The following RPL22L1 variants were observed in gnomAD, a reference collection of about 807,000 sequenced individuals.
RPL22L1 encodes the protein ribosomal protein L22 like 1, also known as ribosomal protein eL22-like.
In RPL22L1, 19 loss-of-function variants were observed where a neutral mutation model predicts 17.3. That is an observed-to-expected ratio of 1.10 (90% confidence interval 0.77 to 1.61). The LOEUF is 1.61. Ranked by LOEUF, RPL22L1 falls within the 40% of genes most tolerant of loss-of-function variation. The pLI, the probability that RPL22L1 is intolerant of heterozygous loss-of-function variation, is 0.00. For synonymous variants in RPL22L1, 48 were observed against 48.5 expected (o/e 0.99, Z 0.05); for missense variants, 139 against 144.4 (o/e 0.96, Z 0.19).
At position 170,866,105 on chromosome 3, in the gene RPL22L1, A is replaced by G; in HGVS notation, c.*275T>C. On this transcript the variant is annotated 3_prime_UTR_variant, in exon 4 of 4. Coordinates refer to ENST00000295830, the MANE Select transcript of RPL22L1 (RefSeq NM_001099645.2). The stretch of plus-strand genomic sequence containing the variant: ...GACAGAACGAGAGTGTCTAAAAAAA[A>G]GATTTCCTATATAACGCTACTTTTA... 1 of 219,006 alleles carries G rather than the reference A, an allele frequency of 4.6e-6. No individual in the cohort carries two copies. Among genetic ancestry groups the G allele is most frequent in the Non-Finnish European group, 9.0e-6 (1 of 111,566 alleles). 13.6% of individuals were successfully genotyped at this position (219,006 alleles called of 1,614,324 possible). A position where few individuals can be genotyped will look rare whatever the true frequency, so the allele number is the denominator to read the frequency against.
intron 1 of RPL22L1, chr3:170,869,938 C>T: frequency 1.4e-6 from 1 of 726,580 alleles, no homozygotes; most frequent in Non-Finnish European, 2.4e-6. Flanking sequence ...TAAACCAATT[C>T]CGGGCCCAGC....
intron 3 of RPL22L1, among the ~76,000 whole-genome samples, chr3:170,867,416 C>T (rs920131438): frequency 2.0e-5 from 3 of 152,126 alleles, no homozygotes; most frequent in Admixed American, 6.6e-5. Flanking sequence ...AACTTACCAA[C>T]GTACCCAAAA....
At position 170,870,186 on chromosome 3, in the gene RPL22L1, G is replaced by C. The variant is rs1386613370; in HGVS notation, c.-19C>G. The C allele has an allele frequency of 6.2e-7, 1 of 1,613,762 alleles. No individual in the cohort carries two copies. Among genetic ancestry groups the C allele is most frequent in the African/African-American group, 1.3e-5 (1 of 74,886 alleles). On this transcript the variant is annotated 5_prime_UTR_variant, in exon 1 of 4. Coordinates refer to ENST00000295830, the MANE Select transcript of RPL22L1 (RefSeq NM_001099645.2). ...GCGCCATCTTGCGAGTCGGCCGCGA[G>C]AGCAGAGAGGAAGCTACGGCCGCGC... is the stretch of plus-strand genomic sequence containing the variant.
intron 3 of RPL22L1, 119 bp from the exon 4 acceptor site, chr3:170,866,643 T>C (rs1711781207): frequency 2.9e-6 from 2 of 682,322 alleles, no homozygotes. Flanking sequence ...TCCTCCAAAA[T>C]ATTTCATCCT....
chr3:170,866,739 G>A (rs1294829918), intron 3 of RPL22L1, among the ~76,000 whole-genome samples: 1 of 151,890 alleles, frequency 6.6e-6, no homozygotes, highest in Non-Finnish European at 1.5e-5. Flanking sequence ...AAGATTGTTA[G>A]GGTAGCATTC....
At chr3:170,869,248 C>T (rs1229630776) in intron 1 of RPL22L1, among the ~76,000 whole-genome samples, 4 of 152,120 alleles carry the variant, frequency 2.6e-5, no homozygotes, top group Admixed American at 2.6e-4. Flanking sequence ...ACATTCACTG[C>T]AATATGAACA....
At chr3:170,868,508 G>C in intron 1 of RPL22L1, 118 bp from the exon 2 acceptor site, 2 of 596,408 alleles carry the variant, frequency 3.4e-6, no homozygotes, top group Non-Finnish European at 5.8e-6. Context: ...TACATATACA[G>C]AAATGTAACA....
rs148017658 is a variant in RPL22L1 at position 170,867,858 on chromosome 3, T to C, written c.224+155A>G. On this transcript the variant is annotated intron_variant, in intron 3 of 3. Coordinates refer to ENST00000295830, the MANE Select transcript of RPL22L1 (RefSeq NM_001099645.2). ...TGACACTTACAACTAGACTCAGCAA[T>C]TGGCACTCATTTACTGAATTTCCCA... 3.8e-3 allele frequency among the ~76,000 whole-genome samples: 584 copies of C among 152,338 alleles called. 5 individuals carry two copies. The highest frequency in any genetic ancestry group is 0.014 in the African/African-American group (563 of 41,570).
rs1002802254 is a variant in RPL22L1 at position 170,864,941 on chromosome 3, G to A, written c.*1439C>T. On this transcript the variant is annotated 3_prime_UTR_variant, in exon 4 of 4. Coordinates refer to ENST00000295830, the MANE Select transcript of RPL22L1 (RefSeq NM_001099645.2). ...TTTGTAGCAGTAAATTTGTTCACAT[G>A]TGATTTGATCAGTTTCCGTCATAAT... The A allele has an allele frequency of 5.9e-5, 9 of 152,240 alleles. No homozygotes were observed. The highest frequency in any genetic ancestry group is 1.9e-4 in the African/African-American group (8 of 41,456). 9.4% of individuals were successfully genotyped at this position (152,240 alleles called of 1,614,324 possible). A position where few individuals can be genotyped will look rare whatever the true frequency, so the allele number is the denominator to read the frequency against.
chr3:170,867,953 A>G, intron 3 of RPL22L1, 60 bp downstream of exon 3: 2 of 1,306,102 alleles, frequency 1.5e-6, no homozygotes, highest in Non-Finnish European at 2.1e-6. Flanking sequence ...TAATAACTAC[A>G]TATTCTATGA....
rs1203526201 is a variant in RPL22L1, at chr3:170,865,048, C to A, written c.*1332G>T. ...CTGCAGCGGTGCACAGTAGTAGGTA[C>A]CTGGTTAACTATTTGTGAAAAACAT... On this transcript the variant is annotated 3_prime_UTR_variant, in exon 4 of 4. Coordinates refer to ENST00000295830, the MANE Select transcript of RPL22L1 (RefSeq NM_001099645.2). 6.6e-6 allele frequency: 1 copy of A among 152,160 alleles called. No individual in the cohort carries two copies. The highest frequency in any genetic ancestry group is 1.5e-5 in the Non-Finnish European group (1 of 68,040). 9.4% of individuals were successfully genotyped at this position (152,160 alleles called of 1,614,324 possible).
At position 170,869,861 on chromosome 3, in the gene RPL22L1, T is replaced by C. The variant is rs141845140; in HGVS notation, c.9+298A>G. ...CGAGATAGTAAAGAAATGGCTCAGA[T>C]TGCAGTACCACCGGCCCATTTACAG... On this transcript the variant is annotated intron_variant, in intron 1 of 3. Transcript: ENST00000295830. The C allele has an allele frequency of 4.9e-3, 2,677 of 548,254 alleles. 31 individuals carry two copies. Among genetic ancestry groups the C allele is most frequent in the African/African-American group, 0.021 (1,112 of 53,532 alleles). The allele number at this position is 548,254 out of a possible 1,614,324, so 34.0% of individuals were successfully genotyped here. A position where few individuals can be genotyped will look rare whatever the true frequency, so the allele number is the denominator to read the frequency against.
At chr3:170,870,019 G>T in intron 1 of RPL22L1, 140 bp downstream of exon 1, 1 of 1,249,642 alleles carries the variant, frequency 8.0e-7, no homozygotes, top group Non-Finnish European at 1.2e-6. Flanking sequence ...TCGCGTCTTG[G>T]TTGTGTTTCT....
At chr3:170,869,824 C>T (rs2108282135) in intron 1 of RPL22L1, 1 of 442,186 alleles carries the variant, frequency 2.3e-6, no homozygotes, top group Non-Finnish European at 4.5e-6. Flanking sequence ...GTGGCAAAAG[C>T]ATTATCAGGC....
Position 170,867,976 on chromosome 3 carries a change from C to T in RPL22L1, c.224+37G>A, listed in dbSNP as rs116175683. On this transcript the variant is annotated intron_variant, in intron 3 of 3. Coordinates refer to ENST00000295830, the MANE Select transcript of RPL22L1 (RefSeq NM_001099645.2). The stretch of plus-strand genomic sequence containing the variant: ...ACATATTCTATGAAATATTCCAAAA[C>T]TACTATAGTTTTATTAAAATTTGCA... The T allele has an allele frequency of 6.6e-4, 975 of 1,477,722 alleles. 3 individuals carry two copies. The African/African-American group carries it at 0.013, about 19-fold the overall frequency. 91.5% of individuals were successfully genotyped at this position (1,477,722 alleles called of 1,614,324 possible).
chr3:170,870,004 G>T, intron 1 of RPL22L1, 155 bp downstream of exon 1: 2 of 1,112,134 alleles, frequency 1.8e-6, no homozygotes, highest in Non-Finnish European at 2.7e-6. Flanking sequence ...AACAGTTCAG[G>T]ATCCTCGCGT....
intron 3 of RPL22L1, among the ~76,000 whole-genome samples, chr3:170,866,973 C>T (rs146893573): frequency 2.1e-3 from 315 of 152,264 alleles, no homozygotes; most frequent in African/African-American, 7.3e-3. Flanking sequence ...TGGGCTCTCT[C>T]TACATCTAAT....
At chr3:170,868,872 G>C (rs1163508915) in intron 1 of RPL22L1, among the ~76,000 whole-genome samples, 1 of 151,488 alleles carries the variant, frequency 6.6e-6, no homozygotes, top group Non-Finnish European at 1.5e-5. Flanking sequence ...TGCCGTCCCA[G>C]CACTTTGGGA....
chr3:170,868,336 G>A lies in RPL22L1; in HGVS notation c.64C>T (p.His22Tyr), dbSNP rs1264787045. ...TCAAAAATTCCATCTTCTACTGGAT[G>A]AGTAAGGTCCAAATTAAACCTCCAG... ...STWRFNLDLT[H>Y]PVEDGIFDSG... The change falls in exon 2 of 4, where the codon CAT becomes TAT. Residue 22 changes from histidine (H) to tyrosine (Y), a missense_variant. Transcript: ENST00000295830. 6.8e-6 allele frequency: 11 copies of A among 1,610,860 alleles called. No homozygotes were observed. Among genetic ancestry groups the A allele is most frequent in the South Asian group, 2.2e-5 (2 of 90,664 alleles).
Sources: gnomAD v4.1 joint callset for allele counts (sites outside exome capture counted in the v4.1 genomes callset) on GRCh38, gnomAD v4.1.1 for gene constraint, MANE v1.5 for transcripts, NCBI Gene and HGNC (gene_info 2026-07-23, HGNC 2026-07-21) for gene names.